MSMP: variants seen among roughly 807,000 people sequenced by gnomAD.
The protein encoded by MSMP is microseminoprotein, prostate associated.
MSMP carries 9 observed loss-of-function variants against 15.8 expected under a neutral mutation model. The observed-to-expected ratio is 0.57, with a 90% confidence interval of 0.34 to 0.99. The LOEUF (loss-of-function observed/expected upper bound fraction) is 0.99, where lower values mean the gene tolerates loss of function less well. MSMP is among the 50% of genes least tolerant of loss of function. The pLI is 0.02. For synonymous variants in MSMP, 64 were observed against 64.4 expected (o/e 0.99, Z 0.03); for missense variants, 170 against 173.4 (o/e 0.98, Z 0.11).
At position 35,753,481 on chromosome 9, in the gene MSMP, C is replaced by A. The variant is rs1410567569; in HGVS notation, c.239+179G>T. ...TATTTTCTCTCCAGGTCCACCCCAACCTCCCCTGATTTATAGCCTGAAGCC... is the reference window on the plus strand; with the variant it reads ...TATTTTCTCTCCAGGTCCACCCCAAACTCCCCTGATTTATAGCCTGAAGCC... On this transcript the variant is annotated intron_variant, in intron 2 of 2. Transcript: ENST00000436428. This position sits in a 1 kb window ranked among gnomAD's most constrained non-coding sequence, Gnocchi z 4.2. 4.1e-5 allele frequency: 32 copies of A among 772,908 alleles called. No individual in the cohort carries two copies. In the East Asian group the frequency reaches 8.6e-4, roughly 21 times the overall value. 47.9% of individuals were successfully genotyped at this position (772,908 alleles called of 1,614,324 possible). A position where few individuals can be genotyped will look rare whatever the true frequency, so the allele number is the denominator to read the frequency against.
In MSMP at chr9:35,753,831, G is replaced by A. The variant is rs1283147499; in HGVS notation, c.131-63C>T. On this transcript the variant is annotated intron_variant, in intron 1 of 2. Coordinates refer to ENST00000436428, the MANE Select transcript of MSMP (RefSeq NM_001044264.3). This position sits in a 1 kb window ranked among gnomAD's most constrained non-coding sequence, Gnocchi z 4.2. ...GCTGATGAGAGGCAGAGGCTCTTCT[G>A]GTCTGGGGTGGAGACAGTAAGTACG... 1.0e-5 allele frequency: 16 copies of A among 1,537,762 alleles called. No homozygotes were observed. Among genetic ancestry groups the A allele is most frequent in the African/African-American group, 2.7e-5 (2 of 73,300 alleles).
In MSMP at chr9:35,753,935, A is replaced by G; in HGVS notation, c.130+65T>C. 6.4e-7 allele frequency: 1 copy of G among 1,572,152 alleles called. No homozygotes were observed. On this transcript the variant is annotated intron_variant, in intron 1 of 2. Transcript: ENST00000436428. This position sits in a 1 kb window ranked among gnomAD's most constrained non-coding sequence, Gnocchi z 4.2. ...GGTATTTTGACACGGGATCATCTGT[A>G]AGGCCCCATCCTCCCTGTGCCCTCT...
chr9:35,753,765 G>T lies in MSMP; in HGVS notation c.134C>A (p.Pro45His). The T allele has an allele frequency of 6.2e-7, 1 of 1,613,750 alleles. No individual in the cohort carries two copies. ...AAAATATTTCCCCTCATAGTGACAG[G>T]GGGCTAGGGAAGAACGGGAAATGTT... The part of the protein sequence containing the change: ...YSKCYFQAQA[P>H]CHYEGKYFTL... Residue 45 changes from proline to histidine, a missense_variant, in exon 2 of 3, where the codon CCC becomes CAC. By Grantham distance (77) the Pro-to-His change is moderately conservative (BLOSUM62 -2). Coordinates refer to ENST00000436428, the MANE Select transcript of MSMP (RefSeq NM_001044264.3). The surrounding 1 kb of genome is among the most constrained non-coding windows in gnomAD (Gnocchi z 4.2).
Position 35,754,247 on chromosome 9 carries a change from G to T in MSMP, c.-118C>A. 1 of 1,332,828 alleles carries T rather than the reference G, an allele frequency of 7.5e-7. No homozygotes were observed. The highest frequency in any genetic ancestry group is 1.0e-6 in the Non-Finnish European group (1 of 984,044). The allele number at this position is 1,332,828 out of a possible 1,614,324, so 82.6% of individuals were successfully genotyped here. A position where few individuals can be genotyped will look rare whatever the true frequency, so the allele number is the denominator to read the frequency against. On this transcript the variant is annotated 5_prime_UTR_variant, in exon 1 of 3. Transcript: ENST00000436428. ...CTTAGTTTCTGTCTTTCTCCCCTGG[G>T]CTCCTGTCTCACACTATCTCCCTGC...
chr9:35,753,590 A>G lies in MSMP; in HGVS notation c.239+70T>C. 7.7e-7 allele frequency: 1 copy of G among 1,291,538 alleles called. No homozygotes were observed. Among genetic ancestry groups the G allele is most frequent in the Non-Finnish European group, 1.1e-6 (1 of 905,612 alleles). 80.0% of individuals were successfully genotyped at this position (1,291,538 alleles called of 1,614,324 possible). ...GTTCATTCTTACATCACAGCAATCT[A>G]GTCACTCCCTGGTCATCCCTCAGTC... On this transcript the variant is annotated intron_variant, in intron 2 of 2. Coordinates refer to ENST00000436428, the MANE Select transcript of MSMP (RefSeq NM_001044264.3). The surrounding 1 kb of genome is among the most constrained non-coding windows in gnomAD (Gnocchi z 4.2).
chr9:35,753,078 G>A lies in MSMP; in HGVS notation c.*22C>T, dbSNP rs747124022. On this transcript the variant is annotated 3_prime_UTR_variant, in exon 3 of 3. Coordinates refer to ENST00000436428, the MANE Select transcript of MSMP (RefSeq NM_001044264.3). The surrounding 1 kb of genome is among the most constrained non-coding windows in gnomAD (Gnocchi z 4.2). ...AAGTGGCAGCAGCAGTGAGCAGTCA[G>A]CAGATGGATGATCAGTTGAGTTTAG... 19 of 1,610,454 alleles carry A rather than the reference G, an allele frequency of 1.2e-5. No homozygotes were observed. The South Asian group carries it at 2.1e-4, about 18-fold the overall frequency.
In MSMP at chr9:35,754,119, C is replaced by T; in HGVS notation, c.11G>A (p.Arg4Lys). Residue 4 changes from arginine to lysine, a missense_variant, in exon 1 of 3, where the codon AGG (arginine) becomes AAG (lysine). Physicochemically the swap from Arg to Lys is conservative, Grantham distance 26 (BLOSUM62 2). Transcript: ENST00000436428. ...CTTGGCCTGTCCAGCCCAGAGCATCCTTAGGGCCATTGCTGCTGCACAGCC... is the reference window on the plus strand; with the variant it reads ...CTTGGCCTGTCCAGCCCAGAGCATCTTTAGGGCCATTGCTGCTGCACAGCC... MAL[R>K]MLWAGQAKGI... is the part of the protein sequence containing the mutation. 1.2e-6 allele frequency: 2 copies of T among 1,612,974 alleles called. No individual in the cohort carries two copies. The highest frequency in any genetic ancestry group is 1.7e-6 in the Non-Finnish European group (2 of 1,179,364).
At position 35,753,649 on chromosome 9, in the gene MSMP, T is replaced by C. The variant is rs1426450043; in HGVS notation, c.239+11A>G. ...CAGAGTCATTCTCTCTGGCCATCTTTGGTCACTCACGTGTCACAGCAGCCC... is the reference window on the plus strand; with the variant it reads ...CAGAGTCATTCTCTCTGGCCATCTTCGGTCACTCACGTGTCACAGCAGCCC... On this transcript the variant is annotated intron_variant, in intron 2 of 2. Transcript: ENST00000436428. The surrounding 1 kb of genome is among the most constrained non-coding windows in gnomAD (Gnocchi z 4.2). 1.9e-6 allele frequency: 3 copies of C among 1,607,312 alleles called. No individual in the cohort carries two copies. The highest frequency in any genetic ancestry group is 2.6e-6 in the Non-Finnish European group (3 of 1,174,136).
rs759719735 is a variant in MSMP at position 35,753,292 on chromosome 9, AG to A, written c.240-13del. 6.2e-7 allele frequency: 1 copy of A among 1,612,008 alleles called. No individual in the cohort carries two copies. Among genetic ancestry groups the A allele is most frequent in the East Asian group, 2.2e-5 (1 of 44,878 alleles). The stretch of plus-strand genomic sequence containing the variant: ...TGGGATGCTGGGACCTGGGGAACCA[AG>A]GATAGGGGAAGGAGTCAGCACAGTG... On this transcript the variant is annotated splice_polypyrimidine_tract_variant and intron_variant, in intron 2 of 2. Transcript: ENST00000436428. The surrounding 1 kb of genome is among the most constrained non-coding windows in gnomAD (Gnocchi z 4.2).
Position 35,754,182 on chromosome 9 carries a change from G to A in MSMP, c.-53C>T. On this transcript the variant is annotated 5_prime_UTR_variant, in exon 1 of 3. Coordinates refer to ENST00000436428, the MANE Select transcript of MSMP (RefSeq NM_001044264.3). ...TCTTGGCCTCTGCTCAGCTACTCTG[G>A]TCTTGACTCCTTGACTTTGCTTTGC... 1.9e-6 allele frequency: 3 copies of A among 1,571,220 alleles called. No individual in the cohort carries two copies. The highest frequency in any genetic ancestry group is 1.7e-6 in the Non-Finnish European group (2 of 1,157,676).
Position 35,753,189 on chromosome 9 carries a change from G to T in MSMP, c.331C>A (p.Arg111=). The T allele has an allele frequency of 1.2e-6, 2 of 1,614,164 alleles. No homozygotes were observed. The highest frequency in any genetic ancestry group is 1.7e-6 in the Non-Finnish European group (2 of 1,180,022). ...QFSLVQKSDP[R]LPCKGGGPDP... is the part of the protein sequence containing the mutation. ...GGCCCTCCCCCTTTGCAGGGCAGCC[G>T]AGGGTCAGATTTTTGCACCAAGGAG... Residue 111 remains arginine, a synonymous_variant, in exon 3 of 3, where the codon CGG becomes AGG. Transcript: ENST00000436428. The surrounding 1 kb of genome is among the most constrained non-coding windows in gnomAD (Gnocchi z 4.2).
Position 35,753,961 on chromosome 9 carries a change from C to G in MSMP, c.130+39G>C. 1.3e-6 allele frequency: 2 copies of G among 1,593,930 alleles called. No homozygotes were observed. Among genetic ancestry groups the G allele is most frequent in the Non-Finnish European group, 1.7e-6 (2 of 1,167,116 alleles). ...AGGCCCCATCCTCCCTGTGCCCTCTCTGCTGCTCCTCCATTCCTAACGCTT... is the reference window on the plus strand; with the variant it reads ...AGGCCCCATCCTCCCTGTGCCCTCTGTGCTGCTCCTCCATTCCTAACGCTT... On this transcript the variant is annotated intron_variant, in intron 1 of 2. Transcript: ENST00000436428. The surrounding 1 kb of genome is among the most constrained non-coding windows in gnomAD (Gnocchi z 4.2).
At position 35,753,983 on chromosome 9, in the gene MSMP, G is replaced by A. The variant is rs563090444; in HGVS notation, c.130+17C>T. ...TCTCTGCTGCTCCTCCATTCCTAAC[G>A]CTTCACCCCACTTTACCTTGAGCTT... On this transcript the variant is annotated intron_variant, in intron 1 of 2. Coordinates refer to ENST00000436428, the MANE Select transcript of MSMP (RefSeq NM_001044264.3). The surrounding 1 kb of genome is among the most constrained non-coding windows in gnomAD (Gnocchi z 4.2). 63 of 1,608,082 alleles carry A rather than the reference G, an allele frequency of 3.9e-5. No homozygotes were observed. The highest frequency in any genetic ancestry group is 2.3e-4 in the Admixed American group (14 of 59,708).
rs1563974726 is a variant in MSMP, at chr9:35,753,973, C to T, written c.130+27G>A. The T allele has an allele frequency of 6.2e-7, 1 of 1,602,102 alleles. No individual in the cohort carries two copies. On this transcript the variant is annotated intron_variant, in intron 1 of 2. Coordinates refer to ENST00000436428, the MANE Select transcript of MSMP (RefSeq NM_001044264.3). This position sits in a 1 kb window ranked among gnomAD's most constrained non-coding sequence, Gnocchi z 4.2. ...CCCTGTGCCCTCTCTGCTGCTCCTC[C>T]ATTCCTAACGCTTCACCCCACTTTA...
At position 35,753,453 on chromosome 9, in the gene MSMP, G is replaced by T. The variant is rs1827306170; in HGVS notation, c.240-173C>A. 1.2e-6 allele frequency: 1 copy of T among 803,298 alleles called. No individual in the cohort carries two copies. The highest frequency in any genetic ancestry group is 1.8e-5 in the South Asian group (1 of 54,076). 49.8% of individuals were successfully genotyped at this position (803,298 alleles called of 1,614,324 possible). On this transcript the variant is annotated intron_variant, in intron 2 of 2. Coordinates refer to ENST00000436428, the MANE Select transcript of MSMP (RefSeq NM_001044264.3). This position sits in a 1 kb window ranked among gnomAD's most constrained non-coding sequence, Gnocchi z 4.2. ...TGTGGGCCTTTTTGTTTTATAACAG[G>T]AGTATTTTCTCTCCAGGTCCACCCC...
At position 35,753,757 on chromosome 9, in the gene MSMP, A is replaced by G. The variant is rs1301989016; in HGVS notation, c.142T>C (p.Tyr48His). The G allele has an allele frequency of 1.1e-5, 18 of 1,613,906 alleles. No homozygotes were observed. Among genetic ancestry groups the G allele is most frequent in the Non-Finnish European group, 1.5e-5 (18 of 1,179,842 alleles). Residue 48 changes from tyrosine to histidine, a missense_variant, in exon 2 of 3, where the codon TAT becomes CAT. Physicochemically the swap from Tyr to His is moderately conservative, Grantham distance 83. Transcript: ENST00000436428. This position sits in a 1 kb window ranked among gnomAD's most constrained non-coding sequence, Gnocchi z 4.2. The stretch of plus-strand genomic sequence containing the variant: ...CCCAGGGTAAAATATTTCCCCTCAT[A>G]GTGACAGGGGGCTAGGGAAGAACGG... ...CYFQAQAPCH[Y>H]EGKYFTLGES... is the part of the protein sequence containing the mutation.
At position 35,753,800 on chromosome 9, in the gene MSMP, AG is replaced by A; in HGVS notation, c.131-33del. The A allele has an allele frequency of 1.3e-6, 2 of 1,592,520 alleles. No individual in the cohort carries two copies. Among genetic ancestry groups the A allele is most frequent in the East Asian group, 4.5e-5 (2 of 44,774 alleles). On this transcript the variant is annotated intron_variant, in intron 1 of 2. Coordinates refer to ENST00000436428, the MANE Select transcript of MSMP (RefSeq NM_001044264.3). This position sits in a 1 kb window ranked among gnomAD's most constrained non-coding sequence, Gnocchi z 4.2. The stretch of plus-strand genomic sequence containing the variant: ...AAGAACGGGAAATGTTAGTAGGTGT[AG>A]GAGTGCTGATGAGAGGCAGAGGCTC...
chr9:35,753,908 T>C lies in MSMP; in HGVS notation c.130+92A>G. The stretch of plus-strand genomic sequence containing the variant: ...TCCTGTTTCACAGCTGGAGGAAGCC[T>C]GGGTATTTTGACACGGGATCATCTG... On this transcript the variant is annotated intron_variant, in intron 1 of 2. Transcript: ENST00000436428. This position sits in a 1 kb window ranked among gnomAD's most constrained non-coding sequence, Gnocchi z 4.2. The C allele has an allele frequency of 3.9e-6, 6 of 1,556,126 alleles. No homozygotes were observed. Among genetic ancestry groups the C allele is most frequent in the Non-Finnish European group, 5.2e-6 (6 of 1,144,914 alleles).
chr9:35,753,386 A>T lies in MSMP; in HGVS notation c.240-106T>A. 7.8e-7 allele frequency: 1 copy of T among 1,288,016 alleles called. No homozygotes were observed. The highest frequency in any genetic ancestry group is 1.1e-6 in the Non-Finnish European group (1 of 936,354). 79.8% of individuals were successfully genotyped at this position (1,288,016 alleles called of 1,614,324 possible). The stretch of plus-strand genomic sequence containing the variant: ...GTTTTCCCCCCACAGAGCCCCTTTC[A>T]GTGGCCCCTTGGTCCTCCTAACTAA... On this transcript the variant is annotated intron_variant, in intron 2 of 2. Coordinates refer to ENST00000436428, the MANE Select transcript of MSMP (RefSeq NM_001044264.3). This position sits in a 1 kb window ranked among gnomAD's most constrained non-coding sequence, Gnocchi z 4.2.
Sources: allele counts gnomAD v4.1 joint callset, GRCh38; gene constraint gnomAD v4.1.1; non-coding constraint Gnocchi (gnomAD v3.1); transcripts MANE v1.5; gene names NCBI Gene and HGNC (gene_info 2026-07-23, HGNC 2026-07-21).